SCFD1: variants seen among roughly 807,000 people sequenced by gnomAD.
SCFD1 encodes sec1 family domain-containing protein 1.
SCFD1 carries 37 observed loss-of-function variants against 103.2 expected under a neutral mutation model. That is an observed-to-expected ratio of 0.36 (90% confidence interval 0.28 to 0.47). The LOEUF is 0.47. Ranked by LOEUF, SCFD1 falls within the 20% of genes least tolerant of loss-of-function variation. The pLI is 1.00. For synonymous variants in SCFD1, 264 were observed against 245.0 expected (o/e 1.08, Z -0.73); for missense variants, 639 against 761.2 (o/e 0.84, Z 1.89).
rs978852888 is a variant in SCFD1, at chr14:30,705,956, C to G, written c.1553+71C>G. 3.7e-5 allele frequency: 45 copies of G among 1,221,612 alleles called. No individual in the cohort carries two copies. The Middle Eastern group carries it at 1.1e-3, about 31-fold the overall frequency. 75.7% of individuals were successfully genotyped at this position (1,221,612 alleles called of 1,614,324 possible). ...TACTTAGACTTTCATGCCTTAAAAA[C>G]ACAATGTCTGATACTTTGAATGCGG... is the stretch of plus-strand genomic sequence containing the variant. On this transcript the variant is annotated intron_variant, in intron 18 of 24. Coordinates refer to ENST00000458591, the MANE Select transcript of SCFD1 (RefSeq NM_016106.4).
At chr14:30,718,830 T>A (rs546784575) in intron 20 of SCFD1, among the ~76,000 whole-genome samples, 18 of 152,350 alleles carry the variant, frequency 1.2e-4, no homozygotes, top group African/African-American at 4.1e-4. Flanking sequence ...TTGGGTTTAC[T>A]GAGAGTGCTA....
intron 16 of SCFD1, among the ~76,000 whole-genome samples, chr14:30,700,969 A>T (rs1423983626): frequency 6.6e-6 from 1 of 152,258 alleles, no homozygotes; most frequent in East Asian, 1.9e-4. Context: ...TCTGTAAAAG[A>T]AAGTGGTGAT....
chr14:30,731,428 A>C (rs990661614), intron 23 of SCFD1, among the ~76,000 whole-genome samples: 15 of 152,328 alleles, frequency 9.8e-5, no homozygotes, highest in African/African-American at 3.4e-4. Flanking sequence ...TTGAATCTAT[A>C]AATTACCTTG....
intron 4 of SCFD1, among the ~76,000 whole-genome samples, chr14:30,635,634 C>T (rs768748595): frequency 2.0e-5 from 3 of 151,940 alleles, no homozygotes. Context: ...TATGGATGTA[C>T]GAAATTTTAT....
chr14:30,628,549 T>G (rs1439004920), intron 2 of SCFD1, among the ~76,000 whole-genome samples: 8 of 152,232 alleles, frequency 5.3e-5, no homozygotes, highest in African/African-American at 1.9e-4. Flanking sequence ...GGTTGATATT[T>G]TGTTCCTTAG....
chr14:30,674,401 G>A (rs1056548755), intron 13 of SCFD1, among the ~76,000 whole-genome samples: 1 of 152,112 alleles, frequency 6.6e-6, no homozygotes, highest in Admixed American at 6.6e-5. Context: ...CCAACACTTT[G>A]GGAGGCTGAG....
In SCFD1 at chr14:30,673,286, A is replaced by G. The variant is rs780156082; in HGVS notation, c.1025A>G (p.Gln342Arg). 1 of 1,598,126 alleles carries G rather than the reference A, an allele frequency of 6.3e-7. No individual in the cohort carries two copies. ...TTCCCAGAAGTTGCAGAATCAGTTC[A>G]GCAAGAACTAGAATCTTACAGAGCA... ...SPFPEVAESVQQELESYRAQE... is the reference protein window; with the variant it reads ...SPFPEVAESVRQELESYRAQE... Residue 342 changes from glutamine to arginine, a missense_variant, in exon 12 of 25, where the codon CAG (glutamine) becomes CGG (arginine). Transcript: ENST00000458591.
Position 30,674,980 on chromosome 14 carries a change from G to T in SCFD1, c.1161-4G>T. The T allele has an allele frequency of 6.5e-7, 1 of 1,545,528 alleles. No individual in the cohort carries two copies. The highest frequency in any genetic ancestry group is 2.3e-5 in the East Asian group (1 of 42,732). On this transcript the variant is annotated splice_region_variant and splice_polypyrimidine_tract_variant and intron_variant, in intron 13 of 24. Transcript: ENST00000458591. ...GTTAATATTTAATTTTTTGATACTT[G>T]CAGTTCTTTGCCAGAACTCCTTGAG...
intron 21 of SCFD1, 70 bp from the exon 22 acceptor site, chr14:30,721,814 T>C (rs1594763847): frequency 1.6e-6 from 2 of 1,259,128 alleles, no homozygotes; most frequent in East Asian, 2.4e-5. Flanking sequence ...GTGTGTGTAT[T>C]TCCCATACCT....
intron 10 of SCFD1, among the ~76,000 whole-genome samples, chr14:30,663,377 G>T (rs995886286): frequency 6.6e-6 from 1 of 152,084 alleles, no homozygotes; most frequent in Admixed American, 6.5e-5. Flanking sequence ...TAAATCTAAG[G>T]TTCTTTCCAG....
At chr14:30,665,348 A>G (rs1887846117) in intron 10 of SCFD1, among the ~76,000 whole-genome samples, 1 of 152,228 alleles carries the variant, frequency 6.6e-6, no homozygotes, top group Admixed American at 6.5e-5. Context: ...ATGCTGAGAG[A>G]TTTTGTCACT....
chr14:30,677,292 C>T (rs1889106749), intron 14 of SCFD1, among the ~76,000 whole-genome samples: 1 of 152,084 alleles, frequency 6.6e-6, no homozygotes, highest in Non-Finnish European at 1.5e-5. Flanking sequence ...TCCCTAGTAA[C>T]TAAGACTATT....
intron 3 of SCFD1, among the ~76,000 whole-genome samples, chr14:30,632,137 A>G (rs11628700): frequency 0.32 from 48,893 of 150,784 alleles, 9,013 homozygotes; most frequent in East Asian, 0.62. Flanking sequence ...AAAGAGTCCA[A>G]TTTTATGGTG....
chr14:30,731,491 A>C (rs1261487548), intron 23 of SCFD1, among the ~76,000 whole-genome samples: 3 of 152,160 alleles, frequency 2.0e-5, no homozygotes, highest in Non-Finnish European at 2.9e-5. Context: ...TGGGCATGGA[A>C]TGTTCTTCCA....
intron 14 of SCFD1, chr14:30,683,447 G>T: frequency 2.0e-6 from 1 of 492,044 alleles, no homozygotes; most frequent in East Asian, 5.5e-5. Context: ...CTGATTCAGG[G>T]AAGGCAGAAA....
intron 11 of SCFD1, among the ~76,000 whole-genome samples, chr14:30,671,030 G>A (rs1333920796): frequency 6.6e-6 from 1 of 151,930 alleles, no homozygotes; most frequent in Non-Finnish European, 1.5e-5. Context: ...TTATTCCTCA[G>A]AGAAAAAGAA....
At chr14:30,628,515 A>AT (rs1454761838) in intron 2 of SCFD1, among the ~76,000 whole-genome samples, 1 of 152,180 alleles carries the variant, frequency 6.6e-6, no homozygotes, top group Non-Finnish European at 1.5e-5. Context: ...CTTTGGTAGG[A>AT]TGTCACTGAT....
intron 7 of SCFD1, among the ~76,000 whole-genome samples, chr14:30,646,048 A>G (rs1284041699): frequency 1.3e-5 from 2 of 151,628 alleles, no homozygotes; most frequent in African/African-American, 2.4e-5. Flanking sequence ...TTTGTTTTAG[A>G]TGAAGTCTTG....
chr14:30,725,097 T>C (rs1171280574), intron 23 of SCFD1, among the ~76,000 whole-genome samples: 1 of 152,194 alleles, frequency 6.6e-6, no homozygotes, highest in African/African-American at 2.4e-5. Context: ...CCCTGTACTA[T>C]AGTTTGAAGT....
Sources: allele counts gnomAD v4.1 joint callset (sites outside exome capture counted in the v4.1 genomes callset), GRCh38; gene constraint gnomAD v4.1.1; transcripts MANE v1.5; gene names NCBI Gene and HGNC (gene_info 2026-07-23, HGNC 2026-07-21).